The following TPP2 variants were observed in gnomAD, a reference collection of about 807,000 sequenced individuals.
The protein encoded by TPP2 is tripeptidyl-peptidase 2.
Under a neutral mutation model 155.9 loss-of-function variants are expected in TPP2, and 34 were observed. That is an observed-to-expected ratio of 0.22 (90% CI 0.17 to 0.29). The LOEUF (loss-of-function observed/expected upper bound fraction) is 0.29, where lower values mean the gene tolerates loss of function less well. TPP2 is among the 10% of genes least tolerant of loss of function. TPP2 has a pLI of 1.00. For missense variants in TPP2, 1,028 were observed against 1,522.3 expected (o/e 0.68, Z 5.40); for synonymous variants, 510 against 529.4 (o/e 0.96, Z 0.50).
chr13:102,657,006 G>A, intron 24 of TPP2, 50 bp from the exon 25 acceptor site: 1 of 1,534,380 alleles, frequency 6.5e-7, no homozygotes, highest in South Asian at 1.3e-5. Flanking sequence ...TGATTTTGAT[G>A]TATGTAAAAT....
rs777163326 is a variant in TPP2, at chr13:102,616,464, GGAA to G, written c.463_465del (p.Glu155del). 1 of 1,612,090 alleles carries G rather than the reference GGAA, an allele frequency of 6.2e-7. No individual in the cohort carries two copies. Among genetic ancestry groups the G allele is most frequent in the South Asian group, 1.1e-5 (1 of 90,528 alleles). ...CCCTTGCAGAAGCCTGTAGAAAACA[GGAA>G]GAATTTGATGTTGCCAACAACGGCT... On this transcript the variant is annotated inframe_deletion, in exon 4 of 30. Transcript: ENST00000376052.
At chr13:102,650,096 A>G (rs1344889436) in intron 23 of TPP2, among the ~76,000 whole-genome samples, 2 of 152,102 alleles carry the variant, frequency 1.3e-5, no homozygotes, top group Non-Finnish European at 2.9e-5. Context: ...CTTTAGACAT[A>G]TATGTTACAG....
chr13:102,640,493 G>T, intron 16 of TPP2, 117 bp downstream of exon 16: 3 of 766,472 alleles, frequency 3.9e-6, no homozygotes, highest in Non-Finnish European at 6.4e-6. Context: ...ATATGTATTT[G>T]GGTACCTTAG....
intron 27 of TPP2, among the ~76,000 whole-genome samples, chr13:102,666,542 G>A (rs1471251849): frequency 1.3e-5 from 2 of 151,976 alleles, no homozygotes; most frequent in Non-Finnish European, 2.9e-5. Context: ...GCTCTCTGCA[G>A]CCCCCGACAT....
chr13:102,632,855 C>G (rs995722350), intron 10 of TPP2, among the ~76,000 whole-genome samples: 1 of 152,088 alleles, frequency 6.6e-6, no homozygotes, highest in Non-Finnish European at 1.5e-5. Context: ...CTTTTGTAGC[C>G]TACTTGTTAT....
rs577756935 is a variant in TPP2 at position 102,631,350 on chromosome 13, C to T, written c.1244+1155C>T. 8 of 152,210 alleles carry T rather than the reference C, an allele frequency of 5.3e-5. No individual in the cohort carries two copies. In the East Asian group the frequency reaches 1.2e-3, roughly 22 times the overall value. 9.4% of individuals were successfully genotyped at this position (152,210 alleles called of 1,614,324 possible). ...AAAGTGTCATTGAAAACAACCAGGC[C>T]GTGGATATCCACATGGATCAGAAAG... is the stretch of plus-strand genomic sequence containing the variant. On this transcript the variant is annotated intron_variant, in intron 10 of 29. Coordinates refer to ENST00000376052, the MANE Select transcript of TPP2 (RefSeq NM_001330588.2).
Position 102,604,861 on chromosome 13 carries a change from T to C in TPP2, c.234T>C (p.Thr78=). The C allele has an allele frequency of 6.2e-7, 1 of 1,614,130 alleles. No individual in the cohort carries two copies. The change falls in exon 2 of 30, where the codon ACT becomes ACC. Residue 78 remains threonine, a synonymous_variant. Coordinates refer to ENST00000376052, the MANE Select transcript of TPP2 (RefSeq NM_001330588.2). ...CAACAGGAAGTGGCGATGTGAATAC[T>C]GCTACAGAAGTAGAGCCAAAGGATG... ...IDTTGSGDVN[T]ATEVEPKDGE...
intron 12 of TPP2, 83 bp downstream of exon 12, chr13:102,635,785 T>G (rs1882336272): frequency 9.5e-7 from 1 of 1,054,588 alleles, no homozygotes; most frequent in Non-Finnish European, 1.4e-6. Context: ...TTTTGTTTTA[T>G]AACAGTGATT....
Position 102,627,045 on chromosome 13 carries a change from C to T in TPP2, c.818C>T (p.Ala273Val). The T allele has an allele frequency of 1.9e-6, 3 of 1,599,286 alleles. No homozygotes were observed. Among genetic ancestry groups the T allele is most frequent in the Non-Finnish European group, 1.7e-6 (2 of 1,172,980 alleles). The part of the protein sequence containing the change: ...AHGTHVASIA[A>V]GHFPEEPERN... ...GGGACACATGTAGCTAGTATAGCTGCTGGACACTTTCCAGAAGAACCTGAA... is the reference window on the plus strand; with the variant it reads ...GGGACACATGTAGCTAGTATAGCTGTTGGACACTTTCCAGAAGAACCTGAA... Residue 273 changes from alanine to valine, a missense_variant, in exon 7 of 30, where the codon GCT becomes GTT. Coordinates refer to ENST00000376052, the MANE Select transcript of TPP2 (RefSeq NM_001330588.2).
At chr13:102,642,544 A>G (rs684170) in intron 16 of TPP2, among the ~76,000 whole-genome samples, 75,238 of 151,906 alleles carry the variant, frequency 0.5, 19,047 homozygotes, top group African/African-American at 0.6. Context: ...TAGATTTTGT[A>G]TTCTTAGCAA....
Position 102,597,020 on chromosome 13 carries a change from C to G in TPP2, c.-19C>G, listed in dbSNP as rs756130325. 2.5e-6 allele frequency: 4 copies of G among 1,610,180 alleles called. No homozygotes were observed. In the African/African-American group the frequency reaches 4.0e-5, roughly 16 times the overall value. ...GCAGCCTGGCAGTTTGCCGCTTCCT[C>G]GTCCTCCATCCTGCGTCCATGGCCA... On this transcript the variant is annotated 5_prime_UTR_variant, in exon 1 of 30. Transcript: ENST00000376052.
chr13:102,641,840 A>C (rs559492146), intron 16 of TPP2, among the ~76,000 whole-genome samples: 1 of 152,302 alleles, frequency 6.6e-6, no homozygotes, highest in South Asian at 2.1e-4. Context: ...TACTACACTC[A>C]TTCATTAAGC....
chr13:102,632,475 C>T (rs1022841247), intron 10 of TPP2, among the ~76,000 whole-genome samples: 1 of 151,972 alleles, frequency 6.6e-6, no homozygotes, highest in African/African-American at 2.4e-5. Flanking sequence ...CTCCTGACCT[C>T]GTGATCTGCC....
intron 15 of TPP2, among the ~76,000 whole-genome samples, chr13:102,639,316 AAATATTAAGT>A (rs1882597053): frequency 6.6e-6 from 1 of 152,212 alleles, no homozygotes; most frequent in South Asian, 2.1e-4. Flanking sequence ...TTACTCTGGT[AAATATTAAGT>A]ATGCAATAGA....
At position 102,597,211 on chromosome 13, in the gene TPP2, G is replaced by A. The variant is rs1879018993; in HGVS notation, c.165+8G>A. 17 of 1,377,886 alleles carry A rather than the reference G, an allele frequency of 1.2e-5. No homozygotes were observed. In the East Asian group the frequency reaches 4.9e-4, roughly 40 times the overall value. The allele number at this position is 1,377,886 out of a possible 1,614,324, so 85.4% of individuals were successfully genotyped here. ...GGGGCTCCGGGCATGCAGGTGAGGCGGCCCCCGAGGGCCCGGGCGCGGGGG... is the reference window on the plus strand; with the variant it reads ...GGGGCTCCGGGCATGCAGGTGAGGCAGCCCCCGAGGGCCCGGGCGCGGGGG... On this transcript the variant is annotated splice_region_variant and intron_variant, in intron 1 of 29. Transcript: ENST00000376052.
intron 14 of TPP2, among the ~76,000 whole-genome samples, chr13:102,637,695 C>G (rs141636494): frequency 2.6e-5 from 4 of 152,176 alleles, no homozygotes; most frequent in African/African-American, 9.6e-5. Flanking sequence ...GGACTAGTGG[C>G]GTGCACCACC....
chr13:102,627,623 GT>G (rs199744416), intron 7 of TPP2, among the ~76,000 whole-genome samples: 38 of 143,844 alleles, frequency 2.6e-4, no homozygotes, highest in African/African-American at 7.8e-4. Flanking sequence ...AGAAATGCTA[GT>G]TTTTTGTTTT....
At position 102,671,092 on chromosome 13, in the gene TPP2, C is replaced by G. The variant is rs557323885; in HGVS notation, c.3372-3191C>G. 9.2e-5 allele frequency among the ~76,000 whole-genome samples: 14 copies of G among 152,306 alleles called. No homozygotes were observed. The South Asian group carries it at 2.3e-3, about 25-fold the overall frequency. On this transcript the variant is annotated intron_variant, in intron 27 of 29. Transcript: ENST00000376052. ...AGTACTTTCCAATGAAATTGGCGAG[C>G]TGGCCTTTATTGATAACTGGTATTT...
rs1443513327 is a variant in TPP2, at chr13:102,644,507, A to G, written c.2176-50A>G. 6 of 1,453,002 alleles carry G rather than the reference A, an allele frequency of 4.1e-6. No individual in the cohort carries two copies. In the Admixed American group the frequency reaches 7.7e-5, roughly 19 times the overall value. The allele number at this position is 1,453,002 out of a possible 1,614,324, so 90.0% of individuals were successfully genotyped here. On this transcript the variant is annotated intron_variant, in intron 17 of 29. Transcript: ENST00000376052. ...AAACAGCTAGTATTTATATTCTGTA[A>G]TTTGAGAAAAATAAGAAAAGAGATA...
Sources: gnomAD v4.1 joint callset for allele counts (sites outside exome capture counted in the v4.1 genomes callset) on GRCh38, gnomAD v4.1.1 for gene constraint, MANE v1.5 for transcripts, NCBI Gene and HGNC (gene_info 2026-07-23, HGNC 2026-07-21) for gene names.